The following SPAG9 variants were observed in gnomAD, a reference collection of about 807,000 sequenced individuals.
SPAG9 encodes C-Jun-amino-terminal kinase-interacting protein 4.
SPAG9 carries 35 observed loss-of-function variants against 166.5 expected under a neutral mutation model. The observed-to-expected ratio is 0.21, with a 90% CI of 0.16 to 0.28. SPAG9 has a LOEUF of 0.28. Ranked by LOEUF, SPAG9 falls within the 10% of genes least tolerant of loss-of-function variation. The probability of loss-of-function intolerance (pLI) is 1.00; values close to 1 mark genes in which losing one functional copy is unlikely to be tolerated. For missense variants in SPAG9, 1,235 were observed against 1,603.3 expected, an observed-to-expected ratio of 0.77 and a Z score of 3.92; for synonymous variants, 534 against 565.5, an observed-to-expected ratio of 0.94 and a Z score of 0.79.
chr17:51,017,263 G>A (rs1598002325), intron 8 of SPAG9, among the ~76,000 whole-genome samples: 1 of 152,168 alleles, frequency 6.6e-6, no homozygotes, highest in South Asian at 2.1e-4. Flanking sequence ...TACAAGAGAT[G>A]CCTTAGGGCA....
At chr17:51,089,620 T>TTTTA (rs1555658028) in intron 1 of SPAG9, among the ~76,000 whole-genome samples, 7 of 40,492 alleles carry the variant, frequency 1.7e-4, no homozygotes, top group African/African-American at 5.9e-4. Context: ...ACACTTTATT[T>TTTTA]TATATATATA....
rs1396146761 is a variant in SPAG9 at position 51,000,022 on chromosome 17, G to T, written c.1608-305C>A. On this transcript the variant is annotated intron_variant, in intron 13 of 29. Coordinates refer to ENST00000262013, the MANE Select transcript of SPAG9 (RefSeq NM_001130528.3). ...GATATTTAAAATTTTTTATTGAAAA[G>T]ATACCCTCTAACTTTCCCTTTTATT... Among the ~76,000 whole-genome samples, 8 of 152,178 alleles carry T rather than the reference G, an allele frequency of 5.3e-5. No homozygotes were observed. The East Asian group carries it at 1.5e-3, about 29-fold the overall frequency.
intron 8 of SPAG9, among the ~76,000 whole-genome samples, chr17:51,015,399 C>T (rs1054516373): frequency 6.6e-6 from 1 of 152,078 alleles, no homozygotes; most frequent in African/African-American, 2.4e-5. Context: ...GTGAGACCTC[C>T]CTTCTCTTGG....
chr17:51,076,111 A>G (rs960245558), intron 2 of SPAG9, among the ~76,000 whole-genome samples: 1 of 151,876 alleles, frequency 6.6e-6, no homozygotes, highest in African/African-American at 2.4e-5. Flanking sequence ...AAGGAAAAGA[A>G]AAAAGAAAAA....
intron 24 of SPAG9, among the ~76,000 whole-genome samples, chr17:50,984,608 C>T (rs1481468255): frequency 6.6e-6 from 1 of 152,126 alleles, no homozygotes; most frequent in African/African-American, 2.4e-5. Flanking sequence ...GTGGTGTGAA[C>T]CCGGGAGGCG....
rs1214959246 is a variant in SPAG9, at chr17:51,047,718, AC to A, written c.496-250del. 1.7e-3 allele frequency among the ~76,000 whole-genome samples: 264 copies of A among 151,040 alleles called. 4 individuals are homozygous for A. Among genetic ancestry groups the A allele is most frequent in the African/African-American group, 6.0e-3 (246 of 41,234 alleles). The stretch of plus-strand genomic sequence containing the variant: ...TTAGGATGGCAAAAAAAAAAAAAAA[AC>A]CCACTTTTTTTACAATATGTGATGC... On this transcript the variant is annotated intron_variant, in intron 3 of 29. Transcript: ENST00000262013.
intron 1 of SPAG9, among the ~76,000 whole-genome samples, chr17:51,115,713 C>T (rs1337185172): frequency 6.6e-6 from 1 of 151,964 alleles, no homozygotes; most frequent in Non-Finnish European, 1.5e-5. Flanking sequence ...GCCTGTAATC[C>T]CAGCTACTTG....
intron 2 of SPAG9, among the ~76,000 whole-genome samples, chr17:51,079,171 T>C (rs896355690): frequency 6.6e-6 from 1 of 151,666 alleles, no homozygotes; most frequent in Non-Finnish European, 1.5e-5. Flanking sequence ...CAATTCCAAG[T>C]TTGTATTTAG....
rs1410579351 is a variant in SPAG9, at chr17:51,007,946, T to C, written c.1214-620A>G. On this transcript the variant is annotated intron_variant, in intron 9 of 29. Transcript: ENST00000262013. Reference sequence around the variant, plus strand: ...GAAAACAGATTATTAATCTATAAAGTTTTATACATGATATGAAAAACATCT... The same window carrying C: ...GAAAACAGATTATTAATCTATAAAGCTTTATACATGATATGAAAAACATCT... 1.9e-5 allele frequency: 7 copies of C among 363,618 alleles called. No homozygotes were observed. In the Admixed American group the frequency reaches 2.4e-4, roughly 12 times the overall value. 22.5% of individuals were successfully genotyped at this position (363,618 alleles called of 1,614,324 possible). A position where few individuals can be genotyped will look rare whatever the true frequency, so the allele number is the denominator to read the frequency against.
intron 6 of SPAG9, among the ~76,000 whole-genome samples, chr17:51,021,822 TTTGAAGTGC>T (rs3075112): frequency 0.24 from 36,384 of 151,736 alleles, 5,175 homozygotes; most frequent in Admixed American, 0.34. Flanking sequence ...ATCTAAATCA[TTTGAAGTGC>T]TTGAAGTGCT....
Position 51,043,722 on chromosome 17 carries a change from A to C in SPAG9, c.591-2071T>G, listed in dbSNP as rs561699999. Among the ~76,000 whole-genome samples, 4 of 152,330 alleles carry C rather than the reference A, an allele frequency of 2.6e-5. No individual in the cohort carries two copies. The East Asian group carries it at 7.7e-4, about 29-fold the overall frequency. ...GACTGGGAATTTAATGACTGAATATAATGGAAAGCTCTCTAACTCAAAATG... is the reference window on the plus strand; with the variant it reads ...GACTGGGAATTTAATGACTGAATATCATGGAAAGCTCTCTAACTCAAAATG... On this transcript the variant is annotated intron_variant, in intron 4 of 29. Coordinates refer to ENST00000262013, the MANE Select transcript of SPAG9 (RefSeq NM_001130528.3).
intron 1 of SPAG9, among the ~76,000 whole-genome samples, chr17:51,112,370 CA>C (rs767699831): frequency 0.017 from 655 of 38,574 alleles, 6 homozygotes; most frequent in African/African-American, 0.048. Flanking sequence ...CCCATCTCTA[CA>C]AAAAAAAAAA....
In SPAG9 at chr17:51,111,720, T is replaced by C. The variant is rs150480456; in HGVS notation, c.303+8634A>G. On this transcript the variant is annotated intron_variant, in intron 1 of 29. Transcript: ENST00000262013. ...CAGGTACAAGTGATTTTCCTTCCTC[T>C]GCCTCCGGAGTAGCTTGGATTACAG... is the stretch of plus-strand genomic sequence containing the variant. Among the ~76,000 whole-genome samples, 7 of 152,234 alleles carry C rather than the reference T, an allele frequency of 4.6e-5. No individual in the cohort carries two copies. In the East Asian group the frequency reaches 1.3e-3, roughly 29 times the overall value.
intron 22 of SPAG9, among the ~76,000 whole-genome samples, chr17:50,986,095 C>G (rs1975029233): frequency 1.3e-5 from 2 of 152,250 alleles, no homozygotes; most frequent in Non-Finnish European, 2.9e-5. Flanking sequence ...CTCTACTACA[C>G]TGATCTATAA....
intron 28 of SPAG9, among the ~76,000 whole-genome samples, 189 bp from the exon 29 acceptor site, chr17:50,971,045 G>A (rs1973757717): frequency 1.3e-5 from 2 of 152,126 alleles, no homozygotes; most frequent in Non-Finnish European, 2.9e-5. Flanking sequence ...CCCGATTTGA[G>A]GTCAGGCATG....
At position 50,963,021 on chromosome 17, in the gene SPAG9, A is replaced by G. The variant is rs1973196083; in HGVS notation, c.*3251T>C. The G allele has an allele frequency of 6.6e-6, 1 of 152,242 alleles. No homozygotes were observed. The highest frequency in any genetic ancestry group is 1.5e-5 in the Non-Finnish European group (1 of 68,040). The allele number at this position is 152,242 out of a possible 1,614,324, so 9.4% of individuals were successfully genotyped here. A position where few individuals can be genotyped will look rare whatever the true frequency, so the allele number is the denominator to read the frequency against. ...CAAAAGTGAGTTCCTAGAGAATATTATCCCTTTGCCTCACAGAGATTTTAA... is the reference window on the plus strand; with the variant it reads ...CAAAAGTGAGTTCCTAGAGAATATTGTCCCTTTGCCTCACAGAGATTTTAA... On this transcript the variant is annotated 3_prime_UTR_variant, in exon 30 of 30. Coordinates refer to ENST00000262013, the MANE Select transcript of SPAG9 (RefSeq NM_001130528.3).
At chr17:50,971,325 C>T (rs1041892158) in intron 28 of SPAG9, among the ~76,000 whole-genome samples, 2 of 151,682 alleles carry the variant, frequency 1.3e-5, no homozygotes, top group African/African-American at 4.8e-5. Context: ...AACAAACAAA[C>T]AAACAAACAA....
chr17:50,999,668 AAATGC>A lies in SPAG9; in HGVS notation c.1652_1656del (p.Ser551MetfsTer13). Reference sequence around the variant, plus strand: ...TTGTTTTTCAATACTTACAACTGCCAAATGCTTGACCTTTTTTTTTCCTGCATGGC... The same window carrying A: ...TTGTTTTTCAATACTTACAACTGCCATTGACCTTTTTTTTTCCTGCATGGC... On this transcript the variant is annotated frameshift_variant, in exon 14 of 30. Coordinates refer to ENST00000262013, the MANE Select transcript of SPAG9 (RefSeq NM_001130528.3). LOFTEE classifies it high-confidence loss of function. 6.2e-7 allele frequency: 1 copy of A among 1,613,044 alleles called. No homozygotes were observed. The highest frequency in any genetic ancestry group is 8.5e-7 in the Non-Finnish European group (1 of 1,179,268).
Position 50,985,797 on chromosome 17 carries a change from CA to C in SPAG9, c.2940-20del. 6.9e-7 allele frequency: 1 copy of C among 1,454,108 alleles called. No homozygotes were observed. The highest frequency in any genetic ancestry group is 9.6e-7 in the Non-Finnish European group (1 of 1,037,810). The allele number at this position is 1,454,108 out of a possible 1,614,324, so 90.1% of individuals were successfully genotyped here. ...ATACAAACTGTAAGAACAAAGTCAACACTGGTAAGGCATAGAGAACATCAAG... is the reference window on the plus strand; with the variant it reads ...ATACAAACTGTAAGAACAAAGTCAACCTGGTAAGGCATAGAGAACATCAAG... On this transcript the variant is annotated intron_variant, in intron 22 of 29. Coordinates refer to ENST00000262013, the MANE Select transcript of SPAG9 (RefSeq NM_001130528.3).
Sources: gnomAD v4.1 joint callset for allele counts (sites outside exome capture counted in the v4.1 genomes callset) on GRCh38, gnomAD v4.1.1 for gene constraint, MANE v1.5 for transcripts, NCBI Gene and HGNC (gene_info 2026-07-23, HGNC 2026-07-21) for gene names.